Variants in LRP1B observed in about 807,000 individuals in gnomAD.
LRP1B encodes the protein LDL receptor related protein 1B, also known as low-density lipoprotein receptor-related protein 1B.
A neutral mutation model predicts 556.6 loss-of-function variants in LRP1B; 217 were observed. The observed-to-expected ratio is 0.39, with a 90% CI of 0.35 to 0.44. The LOEUF is 0.44. LRP1B is among the 20% of genes least tolerant of loss of function. LRP1B has a pLI of 1.00. For missense variants in LRP1B, 5,053 were observed against 5,620.8 expected, an observed-to-expected ratio of 0.90 and a Z score of 3.23; for synonymous variants, 2,047 against 1,865.8, an observed-to-expected ratio of 1.10 and a Z score of -2.50.
chr2:141,110,930 C>T (rs1054048308), intron 7 of LRP1B, among the ~76,000 whole-genome samples: 14 of 152,094 alleles, frequency 9.2e-5, no homozygotes, highest in African/African-American at 3.4e-4. Flanking sequence ...AAATATATAG[C>T]CACATTTTAA....
chr2:141,987,306 C>T (rs1043885132), intron 1 of LRP1B, among the ~76,000 whole-genome samples: 2 of 151,948 alleles, frequency 1.3e-5, no homozygotes, highest in Non-Finnish European at 2.9e-5. Context: ...AAAAAATACT[C>T]AATTACATCT....
chr2:140,947,376 G>T (rs2105295129), intron 20 of LRP1B, among the ~76,000 whole-genome samples: 1 of 152,214 alleles, frequency 6.6e-6, no homozygotes, highest in East Asian at 1.9e-4. Context: ...TGCACCATAT[G>T]CTCTGCTTAT....
rs1355438331 is a variant in LRP1B at position 141,544,388 on chromosome 2, C to T, written c.206-63855G>A. Among the ~76,000 whole-genome samples the T allele has an allele frequency of 1.3e-3, 108 of 85,232 alleles. 1 individual carries two copies. The highest frequency in any genetic ancestry group is 7.3e-3 in the East Asian group (14 of 1,910). 55.9% of individuals were successfully genotyped at this position (85,232 alleles called of 152,430 possible). On this transcript the variant is annotated intron_variant, in intron 2 of 90. Transcript: ENST00000389484. ...TCTTCTTCTTCTTCTTCTTCTCCTC[C>T]TCCTCCTCCTCCTCCTCCTCCTCCT...
chr2:141,543,545 C>T (rs1052883506), intron 2 of LRP1B, among the ~76,000 whole-genome samples: 3 of 141,010 alleles, frequency 2.1e-5, no homozygotes, highest in African/African-American at 8.0e-5. Flanking sequence ...AAAAGTTACA[C>T]CATATAATTT....
At chr2:141,203,867 A>G (rs2105232342) in intron 6 of LRP1B, among the ~76,000 whole-genome samples, 1 of 152,352 alleles carries the variant, frequency 6.6e-6, no homozygotes, top group African/African-American at 2.4e-5. Flanking sequence ...AGAACTCAGC[A>G]TTAAGAAACT....
At chr2:142,014,002 G>A (rs1281875670) in intron 1 of LRP1B, among the ~76,000 whole-genome samples, 16 of 152,146 alleles carry the variant, frequency 1.1e-4, no homozygotes, top group Non-Finnish European at 2.2e-4. Context: ...AGATAATAAT[G>A]TTGATTCTTG....
At chr2:140,840,148 A>T in intron 30 of LRP1B, 63 bp from the exon 31 acceptor site, 1 of 896,118 alleles carries the variant, frequency 1.1e-6, no homozygotes, top group Non-Finnish European at 1.7e-6. Flanking sequence ...GAGAAGAAAT[A>T]TACACTAAAA....
In LRP1B at chr2:141,577,080, T is replaced by C. The variant is rs114177063; in HGVS notation, c.206-96547A>G. Reference sequence around the variant, plus strand: ...TATAAGTGTTTCCTTGAACACCTAATTGTAACTGCAACTAGAACAGTGATC... The same window carrying C: ...TATAAGTGTTTCCTTGAACACCTAACTGTAACTGCAACTAGAACAGTGATC... On this transcript the variant is annotated intron_variant, in intron 2 of 90. Transcript: ENST00000389484. Among the ~76,000 whole-genome samples the C allele has an allele frequency of 8.2e-3, 1,255 of 152,248 alleles. 19 individuals carry two copies. Among genetic ancestry groups the C allele is most frequent in the African/African-American group, 0.027 (1,117 of 41,560 alleles).
intron 78 of LRP1B, among the ~76,000 whole-genome samples, chr2:140,335,111 C>A (rs1681008392): frequency 6.6e-6 from 1 of 151,610 alleles, no homozygotes; most frequent in African/African-American, 2.4e-5. Context: ...CCTTTTTGGC[C>A]ATTGCCTGTA....
At chr2:141,498,550 C>T (rs985093217) in intron 2 of LRP1B, among the ~76,000 whole-genome samples, 2 of 151,898 alleles carry the variant, frequency 1.3e-5, no homozygotes, top group Non-Finnish European at 2.9e-5. Flanking sequence ...TTATAATGTT[C>T]ACGATCTATT....
chr2:141,016,948 C>A (rs1224540384), intron 12 of LRP1B, among the ~76,000 whole-genome samples: 2 of 152,088 alleles, frequency 1.3e-5, no homozygotes, highest in African/African-American at 4.8e-5. Context: ...GTGATCTAAG[C>A]TGGCAGACTT....
At chr2:141,995,076 AAAT>A (rs1702450404) in intron 1 of LRP1B, among the ~76,000 whole-genome samples, 2 of 152,110 alleles carry the variant, frequency 1.3e-5, no homozygotes, top group South Asian at 4.1e-4. Context: ...AACATAATGA[AAAT>A]AATAATTTAT....
At position 140,525,986 on chromosome 2, in the gene LRP1B, T is replaced by C. The variant is rs2104968190; in HGVS notation, c.7884A>G (p.Thr2628=). 7.4e-6 allele frequency: 12 copies of C among 1,611,660 alleles called. No individual in the cohort carries two copies. The highest frequency in any genetic ancestry group is 1.0e-5 in the Non-Finnish European group (12 of 1,178,688). The part of the protein sequence containing the change: ...DASDEKNCNN[T]DCTHFYKLGV... ...CAAGCTTATAGAAATGTGTGCAGTC[T>C]GTGTTATCTAGAAGAAGGTAAACAA... is the stretch of plus-strand genomic sequence containing the variant. The change falls in exon 49 of 91, where the codon ACA becomes ACG. Residue 2628 remains threonine (T), a synonymous_variant. Transcript: ENST00000389484.
chr2:141,288,220 A>G (rs760626656), intron 3 of LRP1B, among the ~76,000 whole-genome samples: 1 of 137,926 alleles, frequency 7.3e-6, no homozygotes, highest in Non-Finnish European at 1.6e-5. Context: ...TAGACATCTC[A>G]TATAAATGGA....
At chr2:140,612,292 G>T (rs1038594497) in intron 41 of LRP1B, among the ~76,000 whole-genome samples, 1 of 151,952 alleles carries the variant, frequency 6.6e-6, no homozygotes, top group African/African-American at 2.4e-5. Flanking sequence ...AATCACACAG[G>T]CATTCTAACC....
chr2:141,285,574 G>C (rs1185440977), intron 3 of LRP1B, among the ~76,000 whole-genome samples: 1 of 145,716 alleles, frequency 6.9e-6, no homozygotes, highest in African/African-American at 2.5e-5. Flanking sequence ...TCCTGCCTCA[G>C]CCTCCCACGT....
intron 3 of LRP1B, among the ~76,000 whole-genome samples, chr2:141,268,348 T>G (rs1850695): frequency 0.25 from 38,029 of 152,084 alleles, 4,886 homozygotes; most frequent in African/African-American, 0.29. Flanking sequence ...AGTACATTAG[T>G]GTTAGCTAAC....
chr2:140,351,483 C>A (rs1019621417), intron 76 of LRP1B, among the ~76,000 whole-genome samples: 3 of 152,048 alleles, frequency 2.0e-5, no homozygotes, highest in African/African-American at 4.8e-5. Context: ...TATGAAGAAT[C>A]TTCCTCTTAC....
chr2:140,737,631 A>G (rs1373632755), intron 35 of LRP1B, among the ~76,000 whole-genome samples: 4 of 152,202 alleles, frequency 2.6e-5, no homozygotes, highest in Admixed American at 1.3e-4. Flanking sequence ...CCCTGAAATT[A>G]TCCCCACTAC....
Sources: allele counts gnomAD v4.1 joint callset (sites outside exome capture counted in the v4.1 genomes callset), GRCh38; gene constraint gnomAD v4.1.1; transcripts MANE v1.5; gene names NCBI Gene and HGNC (gene_info 2026-07-23, HGNC 2026-07-21).